Variants in PPARA observed in about 807,000 individuals in gnomAD.
PPARA encodes peroxisome proliferator activated receptor alpha.
In PPARA, 22 loss-of-function variants were observed where a neutral mutation model predicts 42.2. The observed-to-expected ratio is 0.52, with a 90% confidence interval of 0.37 to 0.74. The LOEUF is 0.74. PPARA is among the 30% of genes least tolerant of loss of function. PPARA has a pLI of 0.00. For missense variants in PPARA, 465 were observed against 608.2 expected (o/e 0.76, Z 2.48); for synonymous variants, 242 against 239.3 (o/e 1.01, Z -0.10).
rs1311113791 is a variant in PPARA at position 46,150,684 on chromosome 22, A to C, written c.-210+32A>C. ...GGGGGCGGGCGGGCGGGCGGGCGGG[A>C]ACGCGCGCGGGGGTCCGCGGTCCGG... On this transcript the variant is annotated intron_variant, in intron 1 of 8. Transcript: ENST00000407236. This position sits in a 1 kb window ranked among gnomAD's most constrained non-coding sequence, Gnocchi z 7.5. 7.0e-6 allele frequency: 1 copy of C among 142,972 alleles called. No homozygotes were observed. Among genetic ancestry groups the C allele is most frequent in the Non-Finnish European group, 1.5e-5 (1 of 64,784 alleles). 8.9% of individuals were successfully genotyped at this position (142,972 alleles called of 1,614,324 possible). A position where few individuals can be genotyped will look rare whatever the true frequency, so the allele number is the denominator to read the frequency against.
Position 46,220,148 on chromosome 22 carries a change from G to A in PPARA, c.711+134G>A, listed in dbSNP as rs954616552. 8 of 1,052,876 alleles carry A rather than the reference G, an allele frequency of 7.6e-6. No homozygotes were observed. The African/African-American group carries it at 7.9e-5, about 10-fold the overall frequency. 65.2% of individuals were successfully genotyped at this position (1,052,876 alleles called of 1,614,324 possible). A position where few individuals can be genotyped will look rare whatever the true frequency, so the allele number is the denominator to read the frequency against. On this transcript the variant is annotated intron_variant, in intron 7 of 8. Coordinates refer to ENST00000407236, the MANE Select transcript of PPARA (RefSeq NM_005036.6). ...AGTTAAGCAAAGGACAGCGAAGATG[G>A]AAACAGTTCATTCTGAGACTCTGAG...
intron 4 of PPARA, among the ~76,000 whole-genome samples, chr22:46,207,260 G>A (rs2147468664): frequency 1.3e-5 from 2 of 148,656 alleles, no homozygotes; most frequent in South Asian, 2.1e-4. Flanking sequence ...AAAAAAGTAT[G>A]TGATTCTACA....
rs1932776317 is a variant in PPARA, at chr22:46,200,094, GC to G, written c.208+1504del. ...AACAGACATACACCTATTGCAAAGGGCATCTCAGCTTTAAGGACTCAGTCAC... is the reference window on the plus strand; with the variant it reads ...AACAGACATACACCTATTGCAAAGGGATCTCAGCTTTAAGGACTCAGTCAC... On this transcript the variant is annotated intron_variant, in intron 4 of 8. Transcript: ENST00000407236. This position sits in a 1 kb window ranked among gnomAD's most constrained non-coding sequence, Gnocchi z 4.8. 6.6e-6 allele frequency among the ~76,000 whole-genome samples: 1 copy of G among 152,190 alleles called. No homozygotes were observed. Among genetic ancestry groups the G allele is most frequent in the Admixed American group, 6.5e-5 (1 of 15,278 alleles).
intron 4 of PPARA, among the ~76,000 whole-genome samples, chr22:46,198,966 G>A (rs954826483): frequency 3.3e-5 from 5 of 152,112 alleles, no homozygotes; most frequent in Non-Finnish European, 7.4e-5. Flanking sequence ...GCCGAAAACT[G>A]TTCTCTTTAG....
chr22:46,196,647 T>C lies in PPARA; in HGVS notation c.-42-1695T>C, dbSNP rs1465183163. Among the ~76,000 whole-genome samples, 2 of 152,186 alleles carry C rather than the reference T, an allele frequency of 1.3e-5. No individual in the cohort carries two copies. Among genetic ancestry groups the C allele is most frequent in the Admixed American group, 6.5e-5 (1 of 15,284 alleles). ...TCACCCCGGACACTCCACACGTGCA[T>C]TCATTTCGTTGTTCACCATCTGTGT... is the stretch of plus-strand genomic sequence containing the variant. On this transcript the variant is annotated intron_variant, in intron 3 of 8. Transcript: ENST00000407236. The surrounding 1 kb of genome is among the most constrained non-coding windows in gnomAD (Gnocchi z 5.6).
At chr22:46,179,871 A>G (rs1929702792) in intron 3 of PPARA, among the ~76,000 whole-genome samples, 1 of 152,212 alleles carries the variant, frequency 6.6e-6, no homozygotes, top group South Asian at 2.1e-4. Flanking sequence ...CACCTAGAAG[A>G]AAATAACCCA....
Position 46,235,638 on chromosome 22 carries a change from C to T in PPARA, c.*258C>T. On this transcript the variant is annotated 3_prime_UTR_variant, in exon 9 of 9. Coordinates refer to ENST00000407236, the MANE Select transcript of PPARA (RefSeq NM_005036.6). This position sits in a 1 kb window ranked among gnomAD's most constrained non-coding sequence, Gnocchi z 7.0. ...ATTACGGCGAATTATGCTCAATGGT[C>T]TGATTTTAACTCACCCGATGTTAAT... 1 of 510,002 alleles carries T rather than the reference C, an allele frequency of 2.0e-6. No individual in the cohort carries two copies. Among genetic ancestry groups the T allele is most frequent in the South Asian group, 2.1e-5 (1 of 48,304 alleles). The allele number at this position is 510,002 out of a possible 1,614,324, so 31.6% of individuals were successfully genotyped here.
At chr22:46,189,294 A>G (rs757643663) in intron 3 of PPARA, among the ~76,000 whole-genome samples, 4 of 152,246 alleles carry the variant, frequency 2.6e-5, no homozygotes, top group Non-Finnish European at 5.9e-5. Flanking sequence ...TGGAAGTCAT[A>G]TAGTGTGAAC....
Position 46,236,427 on chromosome 22 carries a change from G to A in PPARA, c.*1047G>A, listed in dbSNP as rs531728973. ...CCCCGCTCTGGACTGTCATAAGCTAGCACCCGTGGTAAGCGGGACGAGACA... is the reference window on the plus strand; with the variant it reads ...CCCCGCTCTGGACTGTCATAAGCTAACACCCGTGGTAAGCGGGACGAGACA... On this transcript the variant is annotated 3_prime_UTR_variant, in exon 9 of 9. Coordinates refer to ENST00000407236, the MANE Select transcript of PPARA (RefSeq NM_005036.6). This position sits in a 1 kb window ranked among gnomAD's most constrained non-coding sequence, Gnocchi z 5.2. 1.4e-3 allele frequency: 219 copies of A among 152,786 alleles called. No homozygotes were observed. Among genetic ancestry groups the A allele is most frequent in the Non-Finnish European group, 1.6e-3 (110 of 68,062 alleles). 9.5% of individuals were successfully genotyped at this position (152,786 alleles called of 1,614,324 possible).
chr22:46,185,008 C>T (rs1049294098), intron 3 of PPARA, among the ~76,000 whole-genome samples: 1 of 152,166 alleles, frequency 6.6e-6, no homozygotes, highest in African/African-American at 2.4e-5. Context: ...TCCATGGAGT[C>T]CCTGCTGGGC....
intron 3 of PPARA, 125 bp from the exon 4 acceptor site, chr22:46,198,217 A>G (rs544303596): frequency 1.1e-5 from 3 of 265,144 alleles, no homozygotes; most frequent in Non-Finnish European, 1.3e-5. Flanking sequence ...CAGCCTGGGC[A>G]ACAGACTGAG....
At position 46,156,497 on chromosome 22, in the gene PPARA, C is replaced by T. The variant is rs1925314774; in HGVS notation, c.-127+4527C>T. 6.6e-6 allele frequency: 1 copy of T among 152,194 alleles called. No individual in the cohort carries two copies. The highest frequency in any genetic ancestry group is 2.4e-5 in the African/African-American group (1 of 41,442). The allele number at this position is 152,194 out of a possible 1,614,324, so 9.4% of individuals were successfully genotyped here. Reference sequence around the variant, plus strand: ...GGATTTTTCAAAGGCTTTCAGAAAGCAACATGCTACCGTACCCCTTATACA... The same window carrying T: ...GGATTTTTCAAAGGCTTTCAGAAAGTAACATGCTACCGTACCCCTTATACA... On this transcript the variant is annotated intron_variant, in intron 2 of 8. Transcript: ENST00000407236. The surrounding 1 kb of genome is among the most constrained non-coding windows in gnomAD (Gnocchi z 5.2).
rs1430266410 is a variant in PPARA at position 46,165,984 on chromosome 22, G to A, written c.-126-10769G>A. Among the ~76,000 whole-genome samples the A allele has an allele frequency of 6.6e-6, 1 of 152,020 alleles. No individual in the cohort carries two copies. The highest frequency in any genetic ancestry group is 1.5e-5 in the Non-Finnish European group (1 of 68,004). On this transcript the variant is annotated intron_variant, in intron 2 of 8. Coordinates refer to ENST00000407236, the MANE Select transcript of PPARA (RefSeq NM_005036.6). The surrounding 1 kb of genome is among the most constrained non-coding windows in gnomAD (Gnocchi z 5.5). ...GTTGGAGACCGGCCTGGGCAACATA[G>A]AACCCCATCTCTATTTTTAAAAATA...
chr22:46,218,739 CAGAAGAATCGCTTGAACCCGG>C (rs1934727355), intron 6 of PPARA, among the ~76,000 whole-genome samples: 1 of 150,486 alleles, frequency 6.6e-6, no homozygotes, highest in South Asian at 2.1e-4. Context: ...GAGGCTGAGG[CAGAAGAATCGCTTGAACCCGG>C]GAGGCGGAGG....
At position 46,225,580 on chromosome 22, in the gene PPARA, C is replaced by A. The variant is rs1197859040; in HGVS notation, c.711+5566C>A. 1.3e-5 allele frequency among the ~76,000 whole-genome samples: 2 copies of A among 151,914 alleles called. No homozygotes were observed. The highest frequency in any genetic ancestry group is 2.9e-5 in the Non-Finnish European group (2 of 67,936). ...ATACACGTGCACCCACATGCATGCT[C>A]ACACACATGCACCCACAGTCACACA... On this transcript the variant is annotated intron_variant, in intron 7 of 8. Coordinates refer to ENST00000407236, the MANE Select transcript of PPARA (RefSeq NM_005036.6). This position sits in a 1 kb window ranked among gnomAD's most constrained non-coding sequence, Gnocchi z 4.1.
intron 4 of PPARA, among the ~76,000 whole-genome samples, chr22:46,205,847 A>G (rs1220921048): frequency 2.0e-5 from 3 of 151,926 alleles, no homozygotes; most frequent in Non-Finnish European, 4.4e-5. Context: ...TTGCTGTTGT[A>G]ATCCGTGGTA....
chr22:46,220,070 A>T, intron 7 of PPARA, 56 bp downstream of exon 7: 1 of 1,547,838 alleles, frequency 6.5e-7, no homozygotes, highest in Non-Finnish European at 8.9e-7. Flanking sequence ...AGTGTCGTAG[A>T]GGACGATTAA....
Position 46,192,850 on chromosome 22 carries a change from T to C in PPARA, c.-42-5492T>C, listed in dbSNP as rs909102217. 1.3e-5 allele frequency among the ~76,000 whole-genome samples: 2 copies of C among 152,162 alleles called. No individual in the cohort carries two copies. The highest frequency in any genetic ancestry group is 2.9e-5 in the Non-Finnish European group (2 of 68,028). On this transcript the variant is annotated intron_variant, in intron 3 of 8. Coordinates refer to ENST00000407236, the MANE Select transcript of PPARA (RefSeq NM_005036.6). The surrounding 1 kb of genome is among the most constrained non-coding windows in gnomAD (Gnocchi z 4.3). ...ACAACATGGGTGGAACTGGAGATCA[T>C]TATGTTAAGTGAAATAATCCAGGCA...
At position 46,195,620 on chromosome 22, in the gene PPARA, C is replaced by T. The variant is rs563369130; in HGVS notation, c.-42-2722C>T. Among the ~76,000 whole-genome samples the T allele has an allele frequency of 5.9e-5, 9 of 152,290 alleles. No individual in the cohort carries two copies. In the South Asian group the frequency reaches 1.2e-3, roughly 21 times the overall value. ...AGAAGCCAAAACATCCCTTCCTCAC[C>T]GCACTAAAAGCTGTTGTTTACATGA... On this transcript the variant is annotated intron_variant, in intron 3 of 8. Coordinates refer to ENST00000407236, the MANE Select transcript of PPARA (RefSeq NM_005036.6). The surrounding 1 kb of genome is among the most constrained non-coding windows in gnomAD (Gnocchi z 4.6).
Sources: gnomAD v4.1 joint callset for allele counts (sites outside exome capture counted in the v4.1 genomes callset) on GRCh38, gnomAD v4.1.1 for gene constraint, Gnocchi (gnomAD v3.1) non-coding constraint, MANE v1.5 for transcripts, NCBI Gene and HGNC (gene_info 2026-07-23, HGNC 2026-07-21) for gene names.